SEMA3A: variants seen among roughly 807,000 people sequenced by gnomAD.
SEMA3A encodes the protein semaphorin 3A.
A neutral mutation model predicts 97.9 loss-of-function variants in SEMA3A; 29 were observed. The observed-to-expected ratio is 0.30, with a 90% CI of 0.22 to 0.40. The LOEUF (loss-of-function observed/expected upper bound fraction) is 0.40. Among genes scored for constraint, SEMA3A ranks in the 10% least tolerant of loss-of-function variants. The pLI, the probability that SEMA3A is intolerant of heterozygous loss-of-function variation, is 1.00. For synonymous variants in SEMA3A, 321 were observed against 323.7 expected, an observed-to-expected ratio of 0.99 and a Z score of 0.09; for missense variants, 763 against 951.3, an observed-to-expected ratio of 0.80 and a Z score of 2.60.
intron 12 of SEMA3A, among the ~76,000 whole-genome samples, chr7:83,997,827 C>T (rs866712827): frequency 1.3e-5 from 2 of 151,510 alleles, no homozygotes; most frequent in Non-Finnish European, 2.9e-5. Context: ...ACCTCCATCT[C>T]CTGGGTTCAA....
chr7:84,014,232 C>G lies in SEMA3A; in HGVS notation c.787G>C (p.Ala263Pro). ...DGEHSGKATHARIGQICKNDF... is the reference protein window; with the variant it reads ...DGEHSGKATHPRIGQICKNDF... Reference sequence around the variant, plus strand: ...ACCTTGCATATCTGACCTATTCTAGCGTGAGTAGCTTTTCCAGAGTGTTCT... The same window carrying G: ...ACCTTGCATATCTGACCTATTCTAGGGTGAGTAGCTTTTCCAGAGTGTTCT... The change falls in exon 7 of 17, where the codon GCT (alanine) becomes CCT (proline). Residue 263 changes from alanine (A) to proline (P), a missense_variant. Coordinates refer to ENST00000265362, the MANE Select transcript of SEMA3A (RefSeq NM_006080.3). The G allele has an allele frequency of 6.2e-7, 1 of 1,613,292 alleles. No individual in the cohort carries two copies. The highest frequency in any genetic ancestry group is 8.5e-7 in the Non-Finnish European group (1 of 1,179,684).
chr7:83,975,315 A>C (rs186608606), intron 15 of SEMA3A, among the ~76,000 whole-genome samples: 25 of 152,262 alleles, frequency 1.6e-4, no homozygotes, highest in African/African-American at 6.0e-4. Context: ...AATCTCTAAA[A>C]ATTTTCAAAA....
chr7:84,151,065 A>AC (rs1193441306), intron 1 of SEMA3A, among the ~76,000 whole-genome samples: 6 of 150,180 alleles, frequency 4.0e-5, no homozygotes, highest in African/African-American at 1.5e-4. Context: ...AACAGAAAGG[A>AC]CATCCACACC....
chr7:83,965,219 A>G (rs1005348487), intron 15 of SEMA3A, among the ~76,000 whole-genome samples: 18 of 151,586 alleles, frequency 1.2e-4, no homozygotes, highest in Middle Eastern at 3.2e-3. Flanking sequence ...GATTACAGGC[A>G]TGAGCCACCG....
intron 2 of SEMA3A, among the ~76,000 whole-genome samples, chr7:84,133,885 C>A (rs1796038299): frequency 1.2e-5 from 1 of 80,644 alleles, no homozygotes; most frequent in Non-Finnish European, 2.3e-5. Flanking sequence ...CTCGTCTCTA[C>A]TAAAAAAAAA....
intron 3 of SEMA3A, among the ~76,000 whole-genome samples, chr7:84,295,867 A>G (rs1800858250): frequency 6.6e-6 from 1 of 152,144 alleles, no homozygotes; most frequent in Non-Finnish European, 1.5e-5. Flanking sequence ...TTTTGATAAC[A>G]TATTACCATG....
At chr7:84,109,290 T>A (rs1255803207) in intron 4 of SEMA3A, among the ~76,000 whole-genome samples, 1 of 152,172 alleles carries the variant, frequency 6.6e-6, no homozygotes, top group Non-Finnish European at 1.5e-5. Context: ...TACTTAAAAT[T>A]CTTCAGTCTG....
chr7:84,057,751 G>GATAAATAGATAA (rs1554315698), intron 5 of SEMA3A, among the ~76,000 whole-genome samples: 1 of 142,638 alleles, frequency 7.0e-6, no homozygotes, highest in African/African-American at 2.6e-5. Flanking sequence ...GACAGAGCAA[G>GATAAATAGATAA]ATAAATAAAT....
At chr7:84,321,982 G>T (rs1417799847) in intron 2 of SEMA3A, among the ~76,000 whole-genome samples, 1 of 148,544 alleles carries the variant, frequency 6.7e-6, no homozygotes, top group East Asian at 2.1e-4. Context: ...TCACAGTTCC[G>T]CATGGCTGGG....
At chr7:84,099,772 C>T (rs1042157115) in intron 4 of SEMA3A, among the ~76,000 whole-genome samples, 1 of 152,116 alleles carries the variant, frequency 6.6e-6, no homozygotes, top group Admixed American at 6.6e-5. Context: ...TAATTTTACG[C>T]AGCATCTTTC....
At chr7:84,286,710 CA>C (rs888993574) in intron 3 of SEMA3A, among the ~76,000 whole-genome samples, 3 of 151,544 alleles carry the variant, frequency 2.0e-5, no homozygotes, top group South Asian at 2.1e-4. Flanking sequence ...CTTTCCCCAC[CA>C]AAAAAAACCC....
At chr7:84,421,163 C>T (rs1804579915) in intron 1 of SEMA3A, among the ~76,000 whole-genome samples, 1 of 151,820 alleles carries the variant, frequency 6.6e-6, no homozygotes, top group African/African-American at 2.4e-5. Context: ...TCATCATTTA[C>T]AAAAAAATCA....
At chr7:84,088,397 T>A (rs1230481900) in intron 4 of SEMA3A, among the ~76,000 whole-genome samples, 2 of 151,650 alleles carry the variant, frequency 1.3e-5, no homozygotes, top group Non-Finnish European at 2.9e-5. Flanking sequence ...GAGGTTGCAG[T>A]GAGCCAAGAT....
intron 1 of SEMA3A, among the ~76,000 whole-genome samples, chr7:84,170,352 T>C (rs1294787315): frequency 2.0e-5 from 3 of 152,068 alleles, no homozygotes; most frequent in Non-Finnish European, 4.4e-5. Context: ...CTGCAATTTC[T>C]CAAGGTGCTT....
chr7:84,286,465 T>C (rs1210558477), intron 3 of SEMA3A, among the ~76,000 whole-genome samples: 1 of 152,170 alleles, frequency 6.6e-6, no homozygotes, highest in Non-Finnish European at 1.5e-5. Context: ...ACAACAAATA[T>C]AAATATGAGT....
intron 1 of SEMA3A, among the ~76,000 whole-genome samples, chr7:84,418,907 A>C (rs1228959): frequency 0.18 from 26,967 of 151,440 alleles, 2,534 homozygotes; most frequent in Middle Eastern, 0.24. Context: ...ACACACATAT[A>C]TACACATAAA....
chr7:84,365,510 T>C (rs13238916), intron 2 of SEMA3A, among the ~76,000 whole-genome samples: 43,148 of 151,068 alleles, frequency 0.29, 6,573 homozygotes, highest in African/African-American at 0.38. Flanking sequence ...AAATTAATTC[T>C]CTAAATGAGT....
intron 3 of SEMA3A, among the ~76,000 whole-genome samples, chr7:84,300,649 G>T (rs1800987231): frequency 6.6e-6 from 1 of 151,766 alleles, no homozygotes; most frequent in Non-Finnish European, 1.5e-5. Flanking sequence ...AAAATAAAAA[G>T]CAGATAATAA....
chr7:84,242,970 T>C (rs747563132), intron 3 of SEMA3A, among the ~76,000 whole-genome samples: 3 of 152,214 alleles, frequency 2.0e-5, no homozygotes, highest in Non-Finnish European at 4.4e-5. Context: ...GATTTGTGTA[T>C]GTTGAACCAG....
Sources: gnomAD v4.1 joint callset for allele counts (sites outside exome capture counted in the v4.1 genomes callset) on GRCh38, gnomAD v4.1.1 for gene constraint, MANE v1.5 for transcripts, NCBI Gene and HGNC (gene_info 2026-07-23, HGNC 2026-07-21) for gene names.